MRRF: variants seen among roughly 807,000 people sequenced by gnomAD.
MRRF encodes ribosome-recycling factor, mitochondrial.
A neutral mutation model predicts 25.1 loss-of-function variants in MRRF; 18 were observed. The ratio of observed to expected loss-of-function variants is 0.72; its 90% CI spans 0.50 to 1.06. MRRF has a LOEUF of 1.06. Among genes scored for constraint, MRRF ranks in the 50% least tolerant of loss-of-function variants. The pLI is 0.00. For synonymous variants in MRRF, 113 were observed against 112.1 expected (o/e 1.01, Z -0.05); for missense variants, 323 against 319.3 (o/e 1.01, Z -0.09).
At chr9:122,291,704 A>G in intron 4 of MRRF, 45 bp from the exon 5 acceptor site, 2 of 1,362,838 alleles carry the variant, frequency 1.5e-6, no homozygotes, top group Non-Finnish European at 2.1e-6. Flanking sequence ...TGCATCTGGT[A>G]ATAATTATTT....
intron 6 of MRRF, 113 bp downstream of exon 6, chr9:122,313,499 A>T: frequency 8.2e-7 from 1 of 1,215,578 alleles, no homozygotes; most frequent in African/African-American, 1.5e-5. Flanking sequence ...CATTCACATT[A>T]TCACCATTGT....
intron 5 of MRRF, among the ~76,000 whole-genome samples, chr9:122,297,718 A>T (rs1359274291): frequency 2.0e-5 from 3 of 152,178 alleles, no homozygotes; most frequent in Non-Finnish European, 4.4e-5. Context: ...GTGAATGCAG[A>T]ATGTGGGGGA....
chr9:122,289,118 A>G (rs141298999), intron 4 of MRRF, among the ~76,000 whole-genome samples: 20 of 152,346 alleles, frequency 1.3e-4, no homozygotes, highest in African/African-American at 3.8e-4. Context: ...TGTCAAAGGA[A>G]AATACATGTA....
chr9:122,269,941 T>A (rs1454062516), intron 1 of MRRF, among the ~76,000 whole-genome samples: 1 of 152,150 alleles, frequency 6.6e-6, no homozygotes, highest in Non-Finnish European at 1.5e-5. Flanking sequence ...TCAGGAATAT[T>A]TAGTCAGTAA....
intron 4 of MRRF, among the ~76,000 whole-genome samples, chr9:122,288,499 T>C (rs931841636): frequency 2.6e-5 from 4 of 152,254 alleles, no homozygotes; most frequent in African/African-American, 9.6e-5. Flanking sequence ...TTTGAACATA[T>C]CTCTGTTGGA....
intron 2 of MRRF, among the ~76,000 whole-genome samples, chr9:122,275,232 T>C (rs1188612090): frequency 6.6e-6 from 1 of 152,170 alleles, no homozygotes; most frequent in African/African-American, 2.4e-5. Context: ...TACTACTTTG[T>C]ATCCTTTGAT....
chr9:122,317,087 T>A (rs61174774), intron 6 of MRRF, among the ~76,000 whole-genome samples: 4,981 of 150,396 alleles, frequency 0.033, 202 homozygotes, highest in African/African-American at 0.099. Context: ...TATATATATA[T>A]AAATCTTTGT....
At position 122,286,296 on chromosome 9, in the gene MRRF, C is replaced by T. The variant is rs1050805910; in HGVS notation, c.459+1009C>T. 7 of 917,998 alleles carry T rather than the reference C, an allele frequency of 7.6e-6. No homozygotes were observed. In the Admixed American group the frequency reaches 1.6e-4, roughly 21 times the overall value. 56.9% of individuals were successfully genotyped at this position (917,998 alleles called of 1,614,324 possible). On this transcript the variant is annotated intron_variant, in intron 4 of 6. Coordinates refer to ENST00000344641, the MANE Select transcript of MRRF (RefSeq NM_138777.5). ...AGAAAGGGAAAGCCCTTGCTGTGAA[C>T]ACACTGTTTCAAATCAAAGGGCTCT...
intron 6 of MRRF, among the ~76,000 whole-genome samples, chr9:122,321,983 A>C (rs1193108333): frequency 6.6e-6 from 1 of 152,194 alleles, no homozygotes; most frequent in East Asian, 1.9e-4. Flanking sequence ...TGAATAAGCG[A>C]TCTAAATGCC....
intron 6 of MRRF, 112 bp from the exon 7 acceptor site, chr9:122,322,428 C>CT (rs1223137880): frequency 5.2e-6 from 5 of 954,562 alleles, no homozygotes; most frequent in Non-Finnish European, 8.3e-6. Flanking sequence ...TTAATGTGAA[C>CT]TTTTGTCACT....
chr9:122,295,046 A>G (rs969962925), intron 5 of MRRF, among the ~76,000 whole-genome samples: 10 of 152,190 alleles, frequency 6.6e-5, no homozygotes, highest in African/African-American at 2.2e-4. Context: ...TAAGCATGAA[A>G]TTGAGTTCCA....
chr9:122,312,413 A>G (rs914222114), intron 5 of MRRF, among the ~76,000 whole-genome samples: 2 of 152,204 alleles, frequency 1.3e-5, no homozygotes, highest in South Asian at 4.1e-4. Flanking sequence ...TTCTTTCTCA[A>G]AATTCTTTAA....
intron 6 of MRRF, among the ~76,000 whole-genome samples, chr9:122,319,997 C>G (rs1835787355): frequency 6.6e-6 from 1 of 150,950 alleles, no homozygotes; most frequent in African/African-American, 2.4e-5. Context: ...ATCTCAGCTT[C>G]CTGAGTAGCC....
intron 4 of MRRF, among the ~76,000 whole-genome samples, chr9:122,288,365 C>G (rs1833545715): frequency 6.6e-6 from 1 of 152,104 alleles, no homozygotes; most frequent in African/African-American, 2.4e-5. Context: ...GTTTTGTTTC[C>G]TATGATCAGT....
Position 122,280,598 on chromosome 9 carries a change from G to C in MRRF, c.340G>C (p.Gly114Arg). 6.2e-7 allele frequency: 1 copy of C among 1,613,754 alleles called. No individual in the cohort carries two copies. The highest frequency in any genetic ancestry group is 1.1e-5 in the South Asian group (1 of 91,064). The change falls in exon 3 of 7, where the codon GGA becomes CGA. Residue 114 changes from glycine to arginine, a missense_variant and splice_region_variant. Physicochemically the swap from Gly to Arg is moderately radical, Grantham distance 125. Transcript: ENST00000344641. ...NKTLNIRTSP[G>R]SLDKIAVVTA... is the part of the protein sequence containing the mutation. ...GACTCTCAATATAAGGACCTCACCAGGTTAGTGACTGAACCAATGTTCTGG... is the reference window on the plus strand; with the variant it reads ...GACTCTCAATATAAGGACCTCACCACGTTAGTGACTGAACCAATGTTCTGG...
rs1162329070 is a variant in MRRF at position 122,327,163 on chromosome 9, A to C, written c.*4546A>C. ...AAGAAATGGTAGCTCTTATGGAGAC[A>C]GTAAAGATTACATATTAATCCCCCA... On this transcript the variant is annotated 3_prime_UTR_variant, in exon 7 of 7. Coordinates refer to ENST00000344641, the MANE Select transcript of MRRF (RefSeq NM_138777.5). 1 of 152,246 alleles carries C rather than the reference A, an allele frequency of 6.6e-6. No homozygotes were observed. The highest frequency in any genetic ancestry group is 1.5e-5 in the Non-Finnish European group (1 of 68,048). The allele number at this position is 152,246 out of a possible 1,614,324, so 9.4% of individuals were successfully genotyped here. A position where few individuals can be genotyped will look rare whatever the true frequency, so the allele number is the denominator to read the frequency against.
intron 5 of MRRF, among the ~76,000 whole-genome samples, chr9:122,302,505 G>A (rs1588060831): frequency 6.6e-6 from 1 of 152,236 alleles, no homozygotes; most frequent in East Asian, 1.9e-4. Context: ...ATGTTTTCAA[G>A]GTTCTTTCAC....
intron 2 of MRRF, among the ~76,000 whole-genome samples, chr9:122,274,198 A>G (rs1832634813): frequency 6.6e-6 from 1 of 152,190 alleles, no homozygotes; most frequent in South Asian, 2.1e-4. Flanking sequence ...TGTTAACCTT[A>G]AGAGTTATGT....
chr9:122,267,217 TAAAA>T (rs1164608026), intron 1 of MRRF, among the ~76,000 whole-genome samples: 2 of 151,350 alleles, frequency 1.3e-5, no homozygotes, highest in Non-Finnish European at 3.0e-5. Flanking sequence ...CATCTCTACT[TAAAA>T]TATATAAAAG....
Sources: gnomAD v4.1 joint callset for allele counts (sites outside exome capture counted in the v4.1 genomes callset) on GRCh38, gnomAD v4.1.1 for gene constraint, MANE v1.5 for transcripts, NCBI Gene and HGNC (gene_info 2026-07-23, HGNC 2026-07-21) for gene names.